MGMT: variants seen among roughly 807,000 people sequenced by gnomAD.
MGMT encodes the protein O-6-methylguanine-DNA methyltransferase.
Under a neutral mutation model 15.9 loss-of-function variants are expected in MGMT, and 14 were observed. The observed-to-expected ratio is 0.88, with a 90% CI of 0.58 to 1.37. The LOEUF is 1.37. Among genes scored for constraint, MGMT ranks in the 40% most tolerant of loss-of-function variants. The pLI is 0.00. For synonymous variants in MGMT, 130 were observed against 118.2 expected, an observed-to-expected ratio of 1.10 and a Z score of -0.65; for missense variants, 282 against 268.1, an observed-to-expected ratio of 1.05 and a Z score of -0.36.
chr10:129,489,100 C>T (rs1450519854), intron 1 of MGMT, among the ~76,000 whole-genome samples: 1 of 152,090 alleles, frequency 6.6e-6, no homozygotes, highest in Non-Finnish European at 1.5e-5. Context: ...GTGGCTCATG[C>T]CTGTAATCCC....
At chr10:129,765,966 A>G (rs1441633405) in intron 4 of MGMT, among the ~76,000 whole-genome samples, 1 of 152,176 alleles carries the variant, frequency 6.6e-6, no homozygotes, top group Non-Finnish European at 1.5e-5. Context: ...GGCAACGCCA[A>G]AGGACCAAAG....
chr10:129,560,909 G>A (rs1041845352), intron 2 of MGMT, among the ~76,000 whole-genome samples: 4 of 151,598 alleles, frequency 2.6e-5, no homozygotes, highest in African/African-American at 7.3e-5. Flanking sequence ...TTTCAGAAAC[G>A]GGAACTTTCA....
At chr10:129,515,276 A>C (rs886630577) in intron 1 of MGMT, among the ~76,000 whole-genome samples, 6 of 152,160 alleles carry the variant, frequency 3.9e-5, no homozygotes, top group Non-Finnish European at 4.4e-5. Context: ...CGTCAGGAGC[A>C]GCAGCTGCGG....
chr10:129,681,963 G>T (rs957825673), intron 2 of MGMT, among the ~76,000 whole-genome samples: 1 of 152,156 alleles, frequency 6.6e-6, no homozygotes, highest in South Asian at 2.1e-4. Context: ...GAGGAGATAC[G>T]TAGGACCATA....
At chr10:129,485,271 G>A (rs781391100) in intron 1 of MGMT, among the ~76,000 whole-genome samples, 4 of 152,164 alleles carry the variant, frequency 2.6e-5, no homozygotes, top group Non-Finnish European at 4.4e-5. Flanking sequence ...CCATCCTGAT[G>A]ATTCTAGGTG....
intron 2 of MGMT, among the ~76,000 whole-genome samples, chr10:129,611,916 T>C (rs7913686): frequency 0.097 from 14,740 of 152,132 alleles, 893 homozygotes; most frequent in East Asian, 0.31. Flanking sequence ...AAAATACTTA[T>C]AGGGATTTAT....
Position 129,528,606 on chromosome 10 carries a change from G to A in MGMT, c.-12-7635G>A, listed in dbSNP as rs553189729. ...CCCTGCCGAATTTGGGACCATTTGGGCTAGGGGGCCCCCAAAGAGACCTGC... is the reference window on the plus strand; with the variant it reads ...CCCTGCCGAATTTGGGACCATTTGGACTAGGGGGCCCCCAAAGAGACCTGC... On this transcript the variant is annotated intron_variant, in intron 1 of 4. Transcript: ENST00000651593. Among the ~76,000 whole-genome samples the A allele has an allele frequency of 9.0e-4, 136 of 151,662 alleles. 1 individual carries two copies. Among genetic ancestry groups the A allele is most frequent in the African/African-American group, 3.2e-3 (130 of 41,242 alleles).
intron 3 of MGMT, among the ~76,000 whole-genome samples, chr10:129,711,141 C>G (rs1848228264): frequency 6.6e-6 from 1 of 152,224 alleles, no homozygotes; most frequent in African/African-American, 2.4e-5. Flanking sequence ...AAGACCCTCT[C>G]TCCTGCACAC....
intron 2 of MGMT, among the ~76,000 whole-genome samples, chr10:129,576,123 C>T (rs1846479635): frequency 6.6e-6 from 1 of 152,106 alleles, no homozygotes; most frequent in Non-Finnish European, 1.5e-5. Flanking sequence ...AGAGCTGGTA[C>T]CATTCCTTCT....
chr10:129,684,033 G>A (rs1847880628), intron 2 of MGMT, among the ~76,000 whole-genome samples: 1 of 152,116 alleles, frequency 6.6e-6, no homozygotes, highest in African/African-American at 2.4e-5. Context: ...CAGATGCCTC[G>A]GCAGAGGCTG....
At chr10:129,673,106 A>G (rs1388338692) in intron 2 of MGMT, among the ~76,000 whole-genome samples, 1 of 152,090 alleles carries the variant, frequency 6.6e-6, no homozygotes. Flanking sequence ...TGCTCAAAGG[A>G]CCCTGCAAGA....
At chr10:129,716,188 G>A (rs889594219) in intron 3 of MGMT, among the ~76,000 whole-genome samples, 5 of 152,194 alleles carry the variant, frequency 3.3e-5, no homozygotes, top group African/African-American at 4.8e-5. Context: ...ACTTGACTCC[G>A]TTTAGTTCGG....
At chr10:129,765,728 G>A (rs1286035988) in intron 4 of MGMT, among the ~76,000 whole-genome samples, 1 of 152,114 alleles carries the variant, frequency 6.6e-6, no homozygotes, top group African/African-American at 2.4e-5. Context: ...GGGCAGGCAG[G>A]TCACCTGCAG....
At chr10:129,500,793 C>T (rs552789678) in intron 1 of MGMT, among the ~76,000 whole-genome samples, 118 of 152,246 alleles carry the variant, frequency 7.8e-4, no homozygotes, top group African/African-American at 2.4e-3. Context: ...TCAAACTATC[C>T]GCCCGCCTTA....
At chr10:129,519,587 C>A (rs1245669728) in intron 1 of MGMT, among the ~76,000 whole-genome samples, 2 of 152,218 alleles carry the variant, frequency 1.3e-5, no homozygotes, top group Non-Finnish European at 2.9e-5. Context: ...GCCACCGGAG[C>A]ATGTTGGGAA....
At chr10:129,685,916 A>G (rs1273199714) in intron 2 of MGMT, among the ~76,000 whole-genome samples, 1 of 152,218 alleles carries the variant, frequency 6.6e-6, no homozygotes, top group Non-Finnish European at 1.5e-5. Flanking sequence ...ACTGTATTTA[A>G]TTATTCCCTA....
At chr10:129,699,768 C>T (rs916583185) in intron 2 of MGMT, among the ~76,000 whole-genome samples, 9 of 152,158 alleles carry the variant, frequency 5.9e-5, no homozygotes, top group African/African-American at 1.9e-4. Flanking sequence ...CCGTCCTTCT[C>T]CAGGAAGACC....
In MGMT at chr10:129,532,985, C is replaced by A. The variant is rs559801237; in HGVS notation, c.-12-3256C>A. ...CTGCTCGGACACTGGCACATGTTGGCAGGCGTCAGCACCAGGGCTGGGCTC... is the reference window on the plus strand; with the variant it reads ...CTGCTCGGACACTGGCACATGTTGGAAGGCGTCAGCACCAGGGCTGGGCTC... On this transcript the variant is annotated intron_variant, in intron 1 of 4. Transcript: ENST00000651593. This position sits in a 1 kb window ranked among gnomAD's most constrained non-coding sequence, Gnocchi z 5.3. Among the ~76,000 whole-genome samples the A allele has an allele frequency of 3.9e-5, 6 of 152,318 alleles. No homozygotes were observed. In the South Asian group the frequency reaches 1.2e-3, roughly 32 times the overall value.
rs573016184 is a variant in MGMT, at chr10:129,719,706, TA to T, written c.274+11666del. ...ACCGAATGAGAACTTCTTCACCTCT[TA>T]AAGACCCCATCTGCTGATACAGTTG... On this transcript the variant is annotated intron_variant, in intron 3 of 4. Coordinates refer to ENST00000651593, the MANE Select transcript of MGMT (RefSeq NM_002412.5). Among the ~76,000 whole-genome samples, 347 of 152,224 alleles carry T rather than the reference TA, an allele frequency of 2.3e-3. 1 individual carries two copies. Among genetic ancestry groups the T allele is most frequent in the Non-Finnish European group, 3.8e-3 (258 of 68,008 alleles).
Sources: gnomAD v4.1 joint callset for allele counts (sites outside exome capture counted in the v4.1 genomes callset) on GRCh38, gnomAD v4.1.1 for gene constraint, Gnocchi (gnomAD v3.1) non-coding constraint, MANE v1.5 for transcripts, NCBI Gene and HGNC (gene_info 2026-07-23, HGNC 2026-07-21) for gene names.